Variants in ARHGAP6 observed in about 807,000 individuals in gnomAD.
The protein encoded by ARHGAP6 is Rho GTPase activating protein 6.
ARHGAP6 carries 16 observed loss-of-function variants against 55.7 expected under a neutral mutation model. That is an observed-to-expected ratio of 0.29 (90% CI 0.19 to 0.44). The LOEUF (loss-of-function observed/expected upper bound fraction) is 0.44. Among genes scored for constraint, ARHGAP6 ranks in the 20% least tolerant of loss-of-function variants. The pLI is 1.00. For synonymous variants in ARHGAP6, 382 were observed against 360.9 expected (o/e 1.06, Z -0.66); for missense variants, 698 against 808.9 (o/e 0.86, Z 1.66).
intron 1 of ARHGAP6, among the ~76,000 whole-genome samples, chrX:11,381,446 T>G (rs1391743411): frequency 8.9e-6 from 1 of 112,226 alleles, no homozygotes; most frequent in Non-Finnish European, 1.9e-5. Flanking sequence ...AGCAAAATGC[T>G]TTGTCAGTTT....
At chrX:11,398,965 C>T (rs1445018011) in intron 1 of ARHGAP6, among the ~76,000 whole-genome samples, 3 of 111,987 alleles carry the variant, frequency 2.7e-5, no homozygotes, top group African/African-American at 6.5e-5. Context: ...GATTAACATT[C>T]GTGATGATTC....
chrX:11,396,762 C>T (rs2049482001), intron 1 of ARHGAP6, among the ~76,000 whole-genome samples: 1 of 99,481 alleles, frequency 1.0e-5, no homozygotes. Context: ...AACATAAGCT[C>T]AGACTTTTTT....
At chrX:11,461,124 A>C (rs1033340409) in intron 1 of ARHGAP6, among the ~76,000 whole-genome samples, 2 of 111,968 alleles carry the variant, frequency 1.8e-5, no homozygotes, top group Non-Finnish European at 3.8e-5. Flanking sequence ...AAAGTAATAC[A>C]TGCTACTTCC....
intron 1 of ARHGAP6, among the ~76,000 whole-genome samples, chrX:11,595,448 C>T (rs1204813238): frequency 1.8e-5 from 2 of 111,494 alleles, no homozygotes; most frequent in South Asian, 3.8e-4. Context: ...AATACTTAAA[C>T]GTAAGATCTA....
At chrX:11,661,122 A>T (rs1215410449) in intron 1 of ARHGAP6, among the ~76,000 whole-genome samples, 1 of 112,290 alleles carries the variant, frequency 8.9e-6, no homozygotes, top group Non-Finnish European at 1.9e-5. Flanking sequence ...AAGTTGGCAA[A>T]CTCCAGGTTA....
chrX:11,492,157 G>T (rs2050578078), intron 1 of ARHGAP6, among the ~76,000 whole-genome samples: 1 of 107,162 alleles, frequency 9.3e-6, no homozygotes, highest in Non-Finnish European at 1.9e-5. Context: ...CCATTTTGTA[G>T]GTTGCCTGTT....
chrX:11,295,602 A>G (rs2147563814), intron 1 of ARHGAP6, among the ~76,000 whole-genome samples: 1 of 111,149 alleles, frequency 9.0e-6, no homozygotes, highest in Non-Finnish European at 1.9e-5. Context: ...GAAGCCAGCA[A>G]GCTTGCACCC....
chrX:11,283,898 T>C (rs139320569), intron 1 of ARHGAP6, among the ~76,000 whole-genome samples: 1 of 111,905 alleles, frequency 8.9e-6, no homozygotes, highest in African/African-American at 3.2e-5. Flanking sequence ...GATAATAAAT[T>C]TGTGTTGTTT....
intron 1 of ARHGAP6, among the ~76,000 whole-genome samples, chrX:11,444,472 A>G (rs1404309226): frequency 8.9e-6 from 1 of 112,188 alleles, no homozygotes; most frequent in Admixed American, 9.4e-5. Flanking sequence ...AAAACTATCG[A>G]TATTGGAGAG....
chrX:11,344,762 T>G (rs1222055781), intron 1 of ARHGAP6, among the ~76,000 whole-genome samples: 1 of 104,754 alleles, frequency 9.5e-6, no homozygotes, highest in Non-Finnish European at 2.0e-5. Flanking sequence ...GGATTGAACC[T>G]CTGTGGATAG....
intron 1 of ARHGAP6, among the ~76,000 whole-genome samples, chrX:11,561,576 T>G (rs1247087055): frequency 8.9e-6 from 1 of 112,133 alleles, no homozygotes; most frequent in East Asian, 2.8e-4. Flanking sequence ...TTTGAATTTT[T>G]TATCTGTATG....
intron 1 of ARHGAP6, among the ~76,000 whole-genome samples, chrX:11,639,817 C>G (rs2052455756): frequency 9.0e-6 from 1 of 110,659 alleles, no homozygotes; most frequent in Non-Finnish European, 1.9e-5. Flanking sequence ...AATCACCAAC[C>G]TGCTCCTGAC....
intron 1 of ARHGAP6, among the ~76,000 whole-genome samples, chrX:11,518,623 C>G (rs1204921318): frequency 9.4e-6 from 1 of 106,458 alleles, no homozygotes; most frequent in African/African-American, 3.5e-5. Context: ...TCCCTTGCAA[C>G]AGTGCACTTT....
intron 1 of ARHGAP6, among the ~76,000 whole-genome samples, chrX:11,390,683 C>A (rs890160467): frequency 1.8e-5 from 2 of 112,334 alleles, no homozygotes; most frequent in Non-Finnish European, 3.8e-5. Flanking sequence ...CAAAAGAAGA[C>A]ATTTATGCAG....
intron 1 of ARHGAP6, among the ~76,000 whole-genome samples, chrX:11,416,329 A>G (rs1250838996): frequency 8.9e-6 from 1 of 111,823 alleles, no homozygotes; most frequent in Non-Finnish European, 1.9e-5. Flanking sequence ...TGGGCTCAGT[A>G]TGACTACATT....
rs1235311157 is a variant in ARHGAP6 at position 11,139,126 on chromosome X, C to G, written c.2662G>C (p.Gly888Arg). 8.3e-7 allele frequency: 1 copy of G among 1,205,669 alleles called. No individual in the cohort carries two copies. Among genetic ancestry groups the G allele is most frequent in the Admixed American group, 2.2e-5 (1 of 45,843 alleles). The change falls in exon 13 of 13, where the codon GGG (glycine) becomes CGG (arginine). Residue 888 changes from glycine (G) to arginine (R), a missense_variant. Physicochemically the swap from Gly to Arg is moderately radical, Grantham distance 125 (BLOSUM62 -2). This residue lies in a region of ARHGAP6 where 212 missense variants were observed against 208.7 expected (regional missense o/e 1.02). Coordinates refer to ENST00000337414, the MANE Select transcript of ARHGAP6 (RefSeq NM_013427.3). ...CAGGCTGCCGCTGCCGCGGGCTTCC[C>G]TGGGCCCGGGTATGGAGGCGGGGGC... ...KRPPPPYPGP[G>R]KPAAAAAWIQ...
intron 1 of ARHGAP6, among the ~76,000 whole-genome samples, chrX:11,470,228 T>C (rs1209112915): frequency 1.8e-5 from 2 of 112,141 alleles, no homozygotes; most frequent in African/African-American, 6.5e-5. Flanking sequence ...AAATGTCAGT[T>C]TACCAAGACC....
At chrX:11,174,355 T>G (rs2147316072) in intron 8 of ARHGAP6, among the ~76,000 whole-genome samples, 1 of 111,925 alleles carries the variant, frequency 8.9e-6, no homozygotes, top group East Asian at 2.8e-4. Flanking sequence ...CATTCCCTAA[T>G]TCTATATTTG....
intron 1 of ARHGAP6, among the ~76,000 whole-genome samples, chrX:11,259,218 C>T (rs1264505592): frequency 1.8e-5 from 2 of 111,852 alleles, no homozygotes; most frequent in Non-Finnish European, 3.8e-5. Context: ...TTAGAACCCA[C>T]AAATAGGTAA....
Sources: allele counts gnomAD v4.1 joint callset (sites outside exome capture counted in the v4.1 genomes callset), GRCh38; gene constraint gnomAD v4.1.1; regional missense constraint gnomAD v4.1.1; transcripts MANE v1.5; gene names NCBI Gene and HGNC (gene_info 2026-07-23, HGNC 2026-07-21).